The following IGFL4 variants were observed in gnomAD, a reference collection of about 807,000 sequenced individuals.
IGFL4 encodes the protein insulin growth factor-like family member 4.
A neutral mutation model predicts 15.4 loss-of-function variants in IGFL4; 12 were observed. The ratio of observed to expected loss-of-function variants is 0.78; its 90% CI spans 0.50 to 1.26. The LOEUF is 1.26. Among genes scored for constraint, IGFL4 ranks in the 50% most tolerant of loss-of-function variants. The pLI is 0.00. For synonymous variants in IGFL4, 54 were observed against 55.9 expected (o/e 0.97, Z 0.16); for missense variants, 126 against 147.8 (o/e 0.85, Z 0.76).
upstream of IGFL4, among the ~76,000 whole-genome samples, chr19:46,042,708 T>C (rs140707512): frequency 1.2e-4 from 19 of 152,302 alleles, no homozygotes; most frequent in East Asian, 3.5e-3. Flanking sequence ...AGGGTGACAC[T>C]GAAACAAAAG....
upstream of IGFL4, among the ~76,000 whole-genome samples, chr19:46,042,697 C>G (rs536646097): frequency 6.6e-6 from 1 of 152,328 alleles, no homozygotes; most frequent in African/African-American, 2.4e-5. Flanking sequence ...GTCCCTTATA[C>G]AGGGTGACAC....
chr19:46,061,970 A>G (rs1367637773), intron 1 of IGFL4, among the ~76,000 whole-genome samples: 1 of 152,212 alleles, frequency 6.6e-6, no homozygotes, highest in African/African-American at 2.4e-5. Context: ...ATCACATAAC[A>G]CAATGCGAAA....
At chr19:46,071,944 A>G (rs534773604) in intron 1 of IGFL4, among the ~76,000 whole-genome samples, 1 of 152,304 alleles carries the variant, frequency 6.6e-6, no homozygotes, top group African/African-American at 2.4e-5. Context: ...GATGGCTTGA[A>G]CTTGGAAGGC....
At chr19:46,044,405 C>T (rs749097014), upstream of IGFL4, among the ~76,000 whole-genome samples, 1 of 152,168 alleles carries the variant, frequency 6.6e-6, no homozygotes, top group Non-Finnish European at 1.5e-5. Context: ...GTGGACCCCA[C>T]TTCCACAGCA....
At chr19:46,075,476 G>A (rs542660684) in intron 1 of IGFL4, among the ~76,000 whole-genome samples, 14 of 152,128 alleles carry the variant, frequency 9.2e-5, no homozygotes, top group Non-Finnish European at 1.9e-4. Context: ...ACCAGGGTCT[G>A]AAGGGCACTG....
At chr19:46,071,660 G>T (rs1039903598) in intron 1 of IGFL4, among the ~76,000 whole-genome samples, 2 of 152,138 alleles carry the variant, frequency 1.3e-5, no homozygotes, top group Non-Finnish European at 2.9e-5. Context: ...TCAAGTGGTG[G>T]AATAATATTT....
chr19:46,070,621 A>G (rs936969523), intron 1 of IGFL4, among the ~76,000 whole-genome samples: 1 of 152,070 alleles, frequency 6.6e-6, no homozygotes, highest in Non-Finnish European at 1.5e-5. Context: ...CTTAGGTGAA[A>G]AGTGATGACC....
intron 1 of IGFL4, among the ~76,000 whole-genome samples, chr19:46,076,409 A>G (rs1969596128): frequency 6.6e-6 from 1 of 152,044 alleles, no homozygotes. Context: ...ATGTGGGGTT[A>G]TATCATTATT....
At chr19:46,070,145 AT>A (rs11412709) in intron 1 of IGFL4, among the ~76,000 whole-genome samples, 40 of 148,514 alleles carry the variant, frequency 2.7e-4, no homozygotes, top group East Asian at 5.9e-4. Context: ...AATCTCTAAG[AT>A]TTTTTTTTTT....
In IGFL4 at chr19:46,054,601, G is replaced by A. The variant is rs375370190; in HGVS notation, c.-323+5584C>T. 4.6e-5 allele frequency among the ~76,000 whole-genome samples: 7 copies of A among 151,960 alleles called. No homozygotes were observed. The East Asian group carries it at 1.3e-3, about 29-fold the overall frequency. ...TTGGCTTTTTCAGGTCTCTTGTGGT[G>A]TACTTTCATATCTCTACTTTCTCAA... On this transcript the variant is annotated intron_variant, in intron 2 of 5. Transcript: ENST00000601672.
intron 1 of IGFL4, among the ~76,000 whole-genome samples, chr19:46,065,509 G>A (rs561290807): frequency 4.6e-5 from 7 of 152,252 alleles, no homozygotes; most frequent in Admixed American, 1.3e-4. Flanking sequence ...GGGTTTCAAC[G>A]TGTTGGCCAG....
chr19:46,063,439 C>G (rs1969465642), intron 1 of IGFL4, among the ~76,000 whole-genome samples: 1 of 152,156 alleles, frequency 6.6e-6, no homozygotes, highest in Non-Finnish European at 1.5e-5. Flanking sequence ...GAAGCATTCA[C>G]TCACTCACTC....
At chr19:46,042,208 T>C (rs1268336542), upstream of IGFL4, among the ~76,000 whole-genome samples, 1 of 152,174 alleles carries the variant, frequency 6.6e-6, no homozygotes, top group East Asian at 1.9e-4. Context: ...CTAGCTCTCC[T>C]CGCCTATTTC....
Position 46,039,852 on chromosome 19 carries a change from G to A in IGFL4, c.*40C>T. 6.6e-7 allele frequency: 1 copy of A among 1,508,626 alleles called. No homozygotes were observed. The highest frequency in any genetic ancestry group is 9.2e-7 in the Non-Finnish European group (1 of 1,083,970). 93.5% of individuals were successfully genotyped at this position (1,508,626 alleles called of 1,614,324 possible). A position where few individuals can be genotyped will look rare whatever the true frequency, so the allele number is the denominator to read the frequency against. On this transcript the variant is annotated 3_prime_UTR_variant, in exon 4 of 4. Coordinates refer to ENST00000377697, the MANE Select transcript of IGFL4 (RefSeq NM_001002923.3). ...AATGCAGTATAATTACCAAGTATTA[G>A]ATTCTAGAGTGATCTGTGACTCTGC...
intron 2 of IGFL4, chr19:46,059,266 T>G (rs11669138): frequency 0.46 from 69,669 of 152,022 alleles, 16,810 homozygotes; most frequent in Non-Finnish European, 0.53. Context: ...GGAGTTGTTC[T>G]GATTCAAATG....
intron 2 of IGFL4, among the ~76,000 whole-genome samples, chr19:46,047,488 T>G (rs1412406717): frequency 6.6e-6 from 1 of 152,160 alleles, no homozygotes; most frequent in Non-Finnish European, 1.5e-5. Flanking sequence ...CAGGAGCTGT[T>G]TTTTTGAAAA....
At chr19:46,050,709 A>G (rs1969337414) in intron 2 of IGFL4, among the ~76,000 whole-genome samples, 1 of 152,230 alleles carries the variant, frequency 6.6e-6, no homozygotes, top group South Asian at 2.1e-4. Context: ...GGTGGTCCGG[A>G]GGAAGAAGAG....
intron 2 of IGFL4, among the ~76,000 whole-genome samples, chr19:46,056,915 A>G (rs1600674240): frequency 6.6e-6 from 1 of 152,238 alleles, no homozygotes; most frequent in East Asian, 1.9e-4. Context: ...TTCTCTCCCT[A>G]TACACCCCAG....
intron 1 of IGFL4, among the ~76,000 whole-genome samples, chr19:46,066,991 C>T (rs1255882201): frequency 6.6e-6 from 1 of 152,184 alleles, no homozygotes; most frequent in Non-Finnish European, 1.5e-5. Context: ...TCCTCATGTC[C>T]AATCTGGTTC....
Sources: allele counts gnomAD v4.1 joint callset (sites outside exome capture counted in the v4.1 genomes callset), GRCh38; gene constraint gnomAD v4.1.1; transcripts MANE v1.5; gene names NCBI Gene and HGNC (gene_info 2026-07-23, HGNC 2026-07-21).